RAI14: variants seen among roughly 807,000 people sequenced by gnomAD.
RAI14 encodes the protein retinoic acid induced 14.
In RAI14, 45 loss-of-function variants were observed where a neutral mutation model predicts 115.4. That is an observed-to-expected ratio of 0.39 (90% confidence interval 0.31 to 0.50). The LOEUF (loss-of-function observed/expected upper bound fraction) is 0.50, where lower values mean the gene tolerates loss of function less well. Ranked by LOEUF, RAI14 falls within the 20% of genes least tolerant of loss-of-function variation. The pLI, the probability that RAI14 is intolerant of heterozygous loss-of-function variation, is 0.85. For missense variants in RAI14, 939 were observed against 1,131.2 expected, an observed-to-expected ratio of 0.83 and a Z score of 2.44; for synonymous variants, 371 against 415.4, an observed-to-expected ratio of 0.89 and a Z score of 1.30.
chr5:34,772,868 A>C (rs2150136165), intron 3 of RAI14, among the ~76,000 whole-genome samples: 1 of 152,308 alleles, frequency 6.6e-6, no homozygotes, highest in South Asian at 2.1e-4. Flanking sequence ...TAGCACTGAA[A>C]CCTTGGAATC....
At chr5:34,782,784 G>A (rs147112726) in intron 3 of RAI14, among the ~76,000 whole-genome samples, 4,108 of 152,204 alleles carry the variant, frequency 0.027, 194 homozygotes, top group African/African-American at 0.093. Flanking sequence ...GTTCAGACCA[G>A]CTGAACATAG....
At chr5:34,718,431 CAT>C (rs947797406) in intron 2 of RAI14, among the ~76,000 whole-genome samples, 1 of 152,204 alleles carries the variant, frequency 6.6e-6, no homozygotes, top group Non-Finnish European at 1.5e-5. Context: ...TGAGAAGACA[CAT>C]AATGGTGAGA....
intron 3 of RAI14, among the ~76,000 whole-genome samples, chr5:34,787,032 T>C (rs1752381070): frequency 6.6e-6 from 1 of 152,246 alleles, no homozygotes; most frequent in African/African-American, 2.4e-5. Flanking sequence ...TCGCTCATGC[T>C]ATTGTTTGTG....
intron 1 of RAI14, among the ~76,000 whole-genome samples, chr5:34,682,109 C>G (rs1298624193): frequency 6.6e-6 from 1 of 152,082 alleles, no homozygotes; most frequent in Non-Finnish European, 1.5e-5. Flanking sequence ...CCCGCCTCGG[C>G]CTCCCAAAGT....
intron 1 of RAI14, among the ~76,000 whole-genome samples, chr5:34,683,836 T>C (rs528253803): frequency 6.6e-6 from 1 of 152,024 alleles, no homozygotes; most frequent in East Asian, 1.9e-4. Flanking sequence ...CACGCCATTC[T>C]CCTGCCTTAG....
At chr5:34,658,754 C>T (rs1237814246) in intron 1 of RAI14, among the ~76,000 whole-genome samples, 18 of 152,010 alleles carry the variant, frequency 1.2e-4, no homozygotes, top group African/African-American at 1.7e-4. Flanking sequence ...GCTGGGATTG[C>T]GCCACTGCAC....
intron 3 of RAI14, among the ~76,000 whole-genome samples, chr5:34,787,025 C>T (rs1263695706): frequency 1.3e-5 from 2 of 152,214 alleles, no homozygotes; most frequent in African/African-American, 4.8e-5. Context: ...GTGCAGATCG[C>T]TCATGCTATT....
At chr5:34,822,929 C>A (rs1386098828) in intron 14 of RAI14, 27 bp from the exon 15 acceptor site, 2 of 1,558,608 alleles carry the variant, frequency 1.3e-6, no homozygotes, top group Non-Finnish European at 8.8e-7. Context: ...CCTTTGATAT[C>A]ATTTAATTCT....
At chr5:34,689,654 C>T (rs968030384) in intron 2 of RAI14, among the ~76,000 whole-genome samples, 1 of 152,180 alleles carries the variant, frequency 6.6e-6, no homozygotes, top group Non-Finnish European at 1.5e-5. Context: ...AGAAGGATCA[C>T]CTGAGGTTGA....
At chr5:34,815,148 T>G (rs1415631258) in intron 12 of RAI14, among the ~76,000 whole-genome samples, 2 of 152,058 alleles carry the variant, frequency 1.3e-5, no homozygotes, top group Non-Finnish European at 2.9e-5. Flanking sequence ...TTTGGGAGGC[T>G]GAGGCAGGTG....
intron 4 of RAI14, among the ~76,000 whole-genome samples, chr5:34,797,372 G>A (rs1753666554): frequency 2.0e-5 from 3 of 151,600 alleles, no homozygotes; most frequent in Admixed American, 2.0e-4. Flanking sequence ...GTTTAGAATT[G>A]TTTTCATTGT....
chr5:34,743,350 C>T (rs1745764158), intron 2 of RAI14, among the ~76,000 whole-genome samples: 1 of 152,188 alleles, frequency 6.6e-6, no homozygotes, highest in African/African-American at 2.4e-5. Flanking sequence ...GCACACCACT[C>T]TAATCTCTGC....
chr5:34,811,717 G>T, intron 8 of RAI14, 50 bp from the exon 9 acceptor site: 1 of 1,484,440 alleles, frequency 6.7e-7, no homozygotes, highest in Non-Finnish European at 9.1e-7. Context: ...TCCCAAGAAA[G>T]ACTTTTTACA....
intron 2 of RAI14, among the ~76,000 whole-genome samples, chr5:34,710,943 AG>A (rs1741314525): frequency 6.6e-6 from 1 of 152,204 alleles, no homozygotes; most frequent in Admixed American, 6.5e-5. Flanking sequence ...TTCAGTTAAA[AG>A]AGTTTCCTAG....
chr5:34,674,538 A>C (rs995170572), intron 1 of RAI14, among the ~76,000 whole-genome samples: 1 of 151,060 alleles, frequency 6.6e-6, no homozygotes, highest in Non-Finnish European at 1.5e-5. Flanking sequence ...TTCATAACCA[A>C]TTCCTTTGTA....
At chr5:34,749,975 C>G (rs920924809) in intron 2 of RAI14, among the ~76,000 whole-genome samples, 2 of 152,152 alleles carry the variant, frequency 1.3e-5, no homozygotes, top group African/African-American at 4.8e-5. Context: ...AAGCTGTTAT[C>G]AGCCTCTAAA....
In RAI14 at chr5:34,753,928, A is replaced by AAAAT. The variant is rs1276134197; in HGVS notation, c.37-3539_37-3536dup. On this transcript the variant is annotated intron_variant, in intron 2 of 17. Coordinates refer to ENST00000265109, the MANE Select transcript of RAI14 (RefSeq NM_015577.3). ...ACTCTATCTCAAAAAAAAAAAAAAA[A>AAAAT]AAATTAGCCAGGCATGGTGGCAGAT... Among the ~76,000 whole-genome samples the AAAAT allele has an allele frequency of 3.3e-5, 5 of 150,944 alleles. 1 individual carries two copies. The highest frequency in any genetic ancestry group is 1.3e-4 in the Admixed American group (2 of 15,152).
chr5:34,708,826 A>G (rs554121755), intron 2 of RAI14, among the ~76,000 whole-genome samples: 1 of 152,286 alleles, frequency 6.6e-6, no homozygotes, highest in South Asian at 2.1e-4. Flanking sequence ...TGGAGCCATT[A>G]GTTAAAACAT....
At chr5:34,742,339 A>G (rs1283812011) in intron 2 of RAI14, among the ~76,000 whole-genome samples, 1 of 152,176 alleles carries the variant, frequency 6.6e-6, no homozygotes, top group East Asian at 1.9e-4. Flanking sequence ...TAATAAATAC[A>G]GGCGTGGTTA....
Sources: allele counts gnomAD v4.1 joint callset (sites outside exome capture counted in the v4.1 genomes callset), GRCh38; gene constraint gnomAD v4.1.1; transcripts MANE v1.5; gene names NCBI Gene and HGNC (gene_info 2026-07-23, HGNC 2026-07-21).